DOCK5: variants seen among roughly 807,000 people sequenced by gnomAD.
DOCK5 encodes dedicator of cytokinesis 5.
In DOCK5, 142 loss-of-function variants were observed where a neutral mutation model predicts 251.8. The ratio of observed to expected loss-of-function variants is 0.56; its 90% CI spans 0.49 to 0.65. The LOEUF (loss-of-function observed/expected upper bound fraction) is 0.65. Ranked by LOEUF, DOCK5 falls within the 30% of genes least tolerant of loss-of-function variation. The pLI is 0.00. For missense variants in DOCK5, 2,111 were observed against 2,312.3 expected (o/e 0.91, Z 1.79); for synonymous variants, 842 against 835.5 (o/e 1.01, Z -0.13).
At chr8:25,406,030 C>G (rs1801516420) in intron 48 of DOCK5, among the ~76,000 whole-genome samples, 1 of 152,124 alleles carries the variant, frequency 6.6e-6, no homozygotes, top group African/African-American at 2.4e-5. Flanking sequence ...GCGATCTCGG[C>G]TCACCGCAAG....
intron 2 of DOCK5, among the ~76,000 whole-genome samples, chr8:25,258,609 A>G (rs568626294): frequency 2.0e-5 from 3 of 152,226 alleles, no homozygotes; most frequent in Admixed American, 6.5e-5. Context: ...TGGGCATGGG[A>G]TCCCAGGAGA....
At chr8:25,237,531 C>G (rs1802834145) in intron 1 of DOCK5, among the ~76,000 whole-genome samples, 2 of 152,118 alleles carry the variant, frequency 1.3e-5, no homozygotes, top group African/African-American at 4.8e-5. Context: ...CTCATGTAAG[C>G]CTGGTTTAAA....
rs140272003 is a variant in DOCK5, at chr8:25,391,946, G to A, written c.4406G>A (p.Arg1469Gln). The A allele has an allele frequency of 1.9e-5, 30 of 1,613,708 alleles. No homozygotes were observed. The highest frequency in any genetic ancestry group is 4.4e-5 in the South Asian group (4 of 91,040). ...CAGTTCAGATACTCCCGGCCGTTCCGGAAAGGAGAAAAGGATCCAGACAAT... is the reference window on the plus strand; with the variant it reads ...CAGTTCAGATACTCCCGGCCGTTCCAGAAAGGAGAAAAGGATCCAGACAAT... Reference protein sequence around the residue: ...VQQFRYSRPFRKGEKDPDNEF... With the variant: ...VQQFRYSRPFQKGEKDPDNEF... The change falls in exon 43 of 52, where the codon CGG becomes CAG. Residue 1469 changes from arginine (R) to glutamine (Q), a missense_variant. By Grantham distance (43) the Arg-to-Gln change is conservative. Coordinates refer to ENST00000276440, the MANE Select transcript of DOCK5 (RefSeq NM_024940.8).
chr8:25,274,263 T>C (rs1266907323), intron 3 of DOCK5, among the ~76,000 whole-genome samples: 1 of 151,326 alleles, frequency 6.6e-6, no homozygotes, highest in Non-Finnish European at 1.5e-5. Flanking sequence ...CCCACCTTTA[T>C]GATCAGCCAC....
At chr8:25,354,205 TG>T (rs1800525589) in intron 27 of DOCK5, among the ~76,000 whole-genome samples, 1 of 152,024 alleles carries the variant, frequency 6.6e-6, no homozygotes, top group Non-Finnish European at 1.5e-5. Context: ...CAGATCAAGA[TG>T]GAAAAAAACA....
chr8:25,355,656 G>C (rs978543260), intron 27 of DOCK5, among the ~76,000 whole-genome samples: 13 of 151,998 alleles, frequency 8.6e-5, no homozygotes, highest in Non-Finnish European at 1.6e-4. Flanking sequence ...TGCCATGTTG[G>C]CCGGGCTAGT....
In DOCK5 at chr8:25,410,171, C is replaced by T; in HGVS notation, c.5477C>T (p.Pro1826Leu). Residue 1826 changes from proline (P) to leucine (L), a missense_variant, in exon 51 of 52, where the codon CCC becomes CTC. Pro to Leu is a moderately conservative substitution (Grantham distance 98). Transcript: ENST00000276440. ...CCTCCACCTCCCCCCAAAAGCAAGC[C>T]CTATGAAGGCAGCCAGAGGAACTCC... is the stretch of plus-strand genomic sequence containing the variant. ...VPPPPPPKSK[P>L]YEGSQRNSTE... 2 of 1,613,670 alleles carry T rather than the reference C, an allele frequency of 1.2e-6. No individual in the cohort carries two copies. Among genetic ancestry groups the T allele is most frequent in the Non-Finnish European group, 1.7e-6 (2 of 1,179,820 alleles).
intron 36 of DOCK5, 137 bp downstream of exon 36, chr8:25,373,795 A>T: frequency 1.3e-6 from 1 of 767,784 alleles, no homozygotes; most frequent in Non-Finnish European, 2.1e-6. Flanking sequence ...CGCTCCATTC[A>T]CCCTGAACCG....
chr8:25,395,177 C>T (rs1330761491), intron 44 of DOCK5, among the ~76,000 whole-genome samples: 1 of 152,104 alleles, frequency 6.6e-6, no homozygotes, highest in Non-Finnish European at 1.5e-5. Context: ...AACCTAGATC[C>T]CTCGCATGTG....
chr8:25,318,525 C>T (rs1805327556), intron 14 of DOCK5, among the ~76,000 whole-genome samples: 1 of 141,014 alleles, frequency 7.1e-6, no homozygotes, highest in Non-Finnish European at 1.5e-5. Context: ...CCCTCCCCTC[C>T]CTTCTCCTCC....
chr8:25,246,821 C>G (rs960275644), intron 2 of DOCK5, among the ~76,000 whole-genome samples: 63 of 150,134 alleles, frequency 4.2e-4, no homozygotes, highest in African/African-American at 1.5e-3. Flanking sequence ...TTCTAATTGT[C>G]CTACAGAGTG....
rs145994606 is a variant in DOCK5, at chr8:25,287,224, C to G, written c.322-4800C>G. ...GGAGGATCACCTAAGGTCAGAAGTT[C>G]GAGGCCAGCCTGGCCAGTATGGCAA... On this transcript the variant is annotated intron_variant, in intron 5 of 51. Coordinates refer to ENST00000276440, the MANE Select transcript of DOCK5 (RefSeq NM_024940.8). 1.5e-4 allele frequency among the ~76,000 whole-genome samples: 23 copies of G among 152,224 alleles called. 1 individual carries two copies. The East Asian group carries it at 4.5e-3, about 29-fold the overall frequency.
intron 47 of DOCK5, among the ~76,000 whole-genome samples, chr8:25,402,369 T>C (rs1367206624): frequency 6.6e-6 from 1 of 152,056 alleles, no homozygotes; most frequent in Non-Finnish European, 1.5e-5. Flanking sequence ...CGATCTCAGC[T>C]CACTGCAAGC....
chr8:25,235,719 C>T (rs1417352501), intron 1 of DOCK5, among the ~76,000 whole-genome samples: 1 of 151,986 alleles, frequency 6.6e-6, no homozygotes, highest in Non-Finnish European at 1.5e-5. Context: ...TGAGAAATAC[C>T]CCTCCAGTTC....
At chr8:25,313,048 G>A (rs1300969738) in intron 13 of DOCK5, among the ~76,000 whole-genome samples, 3 of 152,122 alleles carry the variant, frequency 2.0e-5, no homozygotes, top group Admixed American at 6.5e-5. Flanking sequence ...TCTAGAGACC[G>A]ATTCAGAGCT....
intron 1 of DOCK5, among the ~76,000 whole-genome samples, chr8:25,235,445 G>T (rs1489125324): frequency 2.0e-5 from 3 of 152,078 alleles, no homozygotes; most frequent in Non-Finnish European, 2.9e-5. Flanking sequence ...AATTTTTTGA[G>T]ACAGGGTCTC....
chr8:25,272,131 C>T lies in DOCK5; in HGVS notation c.168+3246C>T, dbSNP rs1586283914. Among the ~76,000 whole-genome samples, 3 of 152,236 alleles carry T rather than the reference C, an allele frequency of 2.0e-5. No homozygotes were observed. The South Asian group carries it at 6.2e-4, about 32-fold the overall frequency. On this transcript the variant is annotated intron_variant, in intron 3 of 51. Transcript: ENST00000276440. ...GCAGCCTTGACCTTCTGGGCTCAAG[C>T]AATCCTCCTGCCTCAGCCTCCCGTG...
intron 26 of DOCK5, among the ~76,000 whole-genome samples, chr8:25,347,995 G>A (rs1003133374): frequency 1.3e-5 from 2 of 152,184 alleles, no homozygotes. Flanking sequence ...TATGTTCCCT[G>A]TAATGAGCAG....
At chr8:25,194,283 G>A (rs1586217535) in intron 1 of DOCK5, among the ~76,000 whole-genome samples, 2 of 152,276 alleles carry the variant, frequency 1.3e-5, no homozygotes, top group South Asian at 4.1e-4. Context: ...AACAGAGCAA[G>A]ACTCTGTCTC....
Sources: allele counts gnomAD v4.1 joint callset (sites outside exome capture counted in the v4.1 genomes callset), GRCh38; gene constraint gnomAD v4.1.1; transcripts MANE v1.5; gene names NCBI Gene and HGNC (gene_info 2026-07-23, HGNC 2026-07-21).